NR2C1: variants seen among roughly 807,000 people sequenced by gnomAD.
NR2C1 encodes nuclear receptor subfamily 2 group C member 1, also known as TR2 nuclear hormone receptor.
Under a neutral mutation model 74.8 loss-of-function variants are expected in NR2C1, and 33 were observed. The observed-to-expected ratio is 0.44, with a 90% CI of 0.33 to 0.59. The LOEUF (loss-of-function observed/expected upper bound fraction) is 0.59, where lower values mean the gene tolerates loss of function less well. NR2C1 is among the 20% of genes least tolerant of loss of function. The pLI is 0.02. For synonymous variants in NR2C1, 225 were observed against 240.6 expected (o/e 0.94, Z 0.60); for missense variants, 568 against 715.6 (o/e 0.79, Z 2.35).
chr12:95,046,411 T>C (rs560348873), intron 9 of NR2C1, among the ~76,000 whole-genome samples: 1 of 152,040 alleles, frequency 6.6e-6, no homozygotes, highest in East Asian at 1.9e-4. Context: ...CAAAGTGAGA[T>C]CCCATCTCTA....
In NR2C1 at chr12:95,057,826, G is replaced by A. The variant is rs1874150856; in HGVS notation, c.597C>T (p.Asn199=). The A allele has an allele frequency of 1.9e-6, 3 of 1,613,998 alleles. No individual in the cohort carries two copies. The highest frequency in any genetic ancestry group is 2.5e-6 in the Non-Finnish European group (3 of 1,179,880). ...PIEVSREKSS[N]CAASTEKIYI... The stretch of plus-strand genomic sequence containing the variant: ...AGATTTTTTCTGTTGAAGCGGCACA[G>A]TTGGAAGATTTTTCTCGTGATACTT... Residue 199 remains asparagine, a synonymous_variant, in exon 6 of 14, where the codon AAC becomes AAT. Coordinates refer to ENST00000333003, the MANE Select transcript of NR2C1 (RefSeq NM_003297.4).
chr12:95,065,967 T>A (rs1038988316), intron 2 of NR2C1, among the ~76,000 whole-genome samples: 19 of 149,020 alleles, frequency 1.3e-4, no homozygotes, highest in African/African-American at 4.3e-4. Flanking sequence ...AAAAAAAAAA[T>A]TATTGACTAT....
chr12:95,026,281 A>G (rs557855604), intron 12 of NR2C1, among the ~76,000 whole-genome samples: 168 of 152,278 alleles, frequency 1.1e-3, no homozygotes, highest in African/African-American at 3.7e-3. Context: ...TTTCTAAGTC[A>G]AAAATTCTAT....
chr12:95,023,549 A>C (rs1234194871), intron 13 of NR2C1, among the ~76,000 whole-genome samples: 1 of 152,192 alleles, frequency 6.6e-6, no homozygotes, highest in Admixed American at 6.5e-5. Context: ...TGGAATCAAG[A>C]CCGCTGGGTT....
intron 2 of NR2C1, among the ~76,000 whole-genome samples, chr12:95,063,921 G>A (rs1264239835): frequency 6.8e-6 from 1 of 148,044 alleles, no homozygotes; most frequent in Non-Finnish European, 1.5e-5. Flanking sequence ...CCCAGCAACT[G>A]GGGAGGCTGA....
chr12:95,056,697 G>A (rs563067218), intron 7 of NR2C1, among the ~76,000 whole-genome samples: 4 of 152,306 alleles, frequency 2.6e-5, no homozygotes, highest in South Asian at 4.1e-4. Context: ...GCTGGCTCAC[G>A]CCTGTAATCC....
chr12:95,072,471 A>AAAG (rs1267998048), intron 1 of NR2C1, among the ~76,000 whole-genome samples: 2 of 150,602 alleles, frequency 1.3e-5, no homozygotes, highest in Non-Finnish European at 3.0e-5. Context: ...AAAAAAAAAA[A>AAAG]AAAGAAAAAA....
At chr12:95,060,858 AT>A (rs1874680600) in intron 3 of NR2C1, among the ~76,000 whole-genome samples, 1 of 152,188 alleles carries the variant, frequency 6.6e-6, no homozygotes, top group South Asian at 2.1e-4. Context: ...GCCCCTTACT[AT>A]GTAATATATA....
chr12:95,060,999 C>T (rs1874695587), intron 3 of NR2C1, among the ~76,000 whole-genome samples: 1 of 152,158 alleles, frequency 6.6e-6, no homozygotes, highest in Non-Finnish European at 1.5e-5. Context: ...GCAAATGGTG[C>T]TAATCTTTTA....
At position 95,053,039 on chromosome 12, in the gene NR2C1, A is replaced by G. The variant is rs55677278; in HGVS notation, c.784-1096T>C. Among the ~76,000 whole-genome samples the G allele has an allele frequency of 6.4e-3, 976 of 151,674 alleles. 12 individuals are homozygous for G. The highest frequency in any genetic ancestry group is 0.022 in the African/African-American group (921 of 41,356). On this transcript the variant is annotated intron_variant, in intron 7 of 13. Transcript: ENST00000333003. ...CACTCTGTCACCCAGGCTGGAGTGC[A>G]GTGGTGTGATCTCAGCTCACTGCAA...
chr12:95,059,833 T>G (rs1157500283), intron 4 of NR2C1, 73 bp downstream of exon 4: 1 of 1,033,046 alleles, frequency 9.7e-7, no homozygotes, highest in East Asian at 2.5e-5. Context: ...AGTGTGGTAG[T>G]TATTTCAACA....
rs746858617 is a variant in NR2C1 at position 95,057,558 on chromosome 12, C to T, written c.778G>A (p.Asp260Asn). ...KTESAVLMTSDKAESCQGDLS... is the reference protein window; with the variant it reads ...KTESAVLMTSNKAESCQGDLS... ...TTAAATTGTACTAAACACACCTTATCTGATGTCATCAGCACAGCTGACTCA... is the reference window on the plus strand; with the variant it reads ...TTAAATTGTACTAAACACACCTTATTTGATGTCATCAGCACAGCTGACTCA... Residue 260 changes from aspartate (D) to asparagine (N), a missense_variant, in exon 7 of 14, where the codon GAT becomes AAT. Physicochemically the swap from Asp to Asn is conservative, Grantham distance 23 (BLOSUM62 1). Around this residue, in one of 6 missense-constraint regions of NR2C1, gnomAD observed 239 missense variants for 232.3 expected, o/e 1.03. Coordinates refer to ENST00000333003, the MANE Select transcript of NR2C1 (RefSeq NM_003297.4). 5 of 1,607,638 alleles carry T rather than the reference C, an allele frequency of 3.1e-6. No individual in the cohort carries two copies. The highest frequency in any genetic ancestry group is 4.3e-6 in the Non-Finnish European group (5 of 1,175,886).
At chr12:95,042,540 C>G (rs1012993986) in intron 9 of NR2C1, among the ~76,000 whole-genome samples, 7 of 152,016 alleles carry the variant, frequency 4.6e-5, no homozygotes, top group Non-Finnish European at 1.0e-4. Context: ...ATCTAAAATA[C>G]CGCACCTGGC....
chr12:95,063,684 A>G (rs1443813676), intron 2 of NR2C1, among the ~76,000 whole-genome samples: 2 of 151,654 alleles, frequency 1.3e-5, no homozygotes, highest in African/African-American at 4.9e-5. Flanking sequence ...CAAAAAAAAA[A>G]AAGAAGTATA....
chr12:95,043,082 A>G (rs1408341701), intron 9 of NR2C1, among the ~76,000 whole-genome samples: 2 of 151,924 alleles, frequency 1.3e-5, no homozygotes, highest in African/African-American at 4.8e-5. Flanking sequence ...TGGGAAACAC[A>G]GTAAGACCTC....
At chr12:95,052,433 C>A (rs74345467) in intron 7 of NR2C1, among the ~76,000 whole-genome samples, 1 of 152,098 alleles carries the variant, frequency 6.6e-6, no homozygotes, top group East Asian at 1.9e-4. Flanking sequence ...GGATTACAGG[C>A]GTGGGCCATC....
rs1874946104 is a variant in NR2C1 at position 95,062,560 on chromosome 12, C to T, written c.233G>A (p.Gly78Asp). 2 of 1,613,506 alleles carry T rather than the reference C, an allele frequency of 1.2e-6. No homozygotes were observed. The highest frequency in any genetic ancestry group is 1.1e-5 in the South Asian group (1 of 91,006). Reference sequence around the variant, plus strand: ...AGTGGTAAAAAATAACTGGTTGACACCTGCTGCATCTGGAGTTGTAAGGAA... The same window carrying T: ...AGTGGTAAAAAATAACTGGTTGACATCTGCTGCATCTGGAGTTGTAAGGAA... The part of the protein sequence containing the change: ...KVFLTTPDAA[G>D]VNQLFFTTPD... Residue 78 changes from glycine to aspartate, a missense_variant, in exon 3 of 14, where the codon GGT becomes GAT. Physicochemically the swap from Gly to Asp is moderately conservative, Grantham distance 94. Coordinates refer to ENST00000333003, the MANE Select transcript of NR2C1 (RefSeq NM_003297.4).
At position 95,062,595 on chromosome 12, in the gene NR2C1, C is replaced by T. The variant is rs149368820; in HGVS notation, c.198G>A (p.Pro66=). 3.0e-3 allele frequency: 4,901 copies of T among 1,613,936 alleles called. 10 individuals are homozygous for T. The highest frequency in any genetic ancestry group is 3.7e-3 in the Non-Finnish European group (4,378 of 1,179,982). ...CTGGAGTTGTAAGGAAAACTTTTCC[C>T]GGAGTGGAATCTTGCCTGGCCAGAA... is the stretch of plus-strand genomic sequence containing the variant. The part of the protein sequence containing the change: ...KVILARQDST[P]GKVFLTTPDA... Residue 66 remains proline, a synonymous_variant, in exon 3 of 14, where the codon CCG becomes CCA. Coordinates refer to ENST00000333003, the MANE Select transcript of NR2C1 (RefSeq NM_003297.4).
At chr12:95,050,742 A>G (rs927476256) in intron 8 of NR2C1, among the ~76,000 whole-genome samples, 2 of 151,920 alleles carry the variant, frequency 1.3e-5, no homozygotes, top group Non-Finnish European at 1.5e-5. Context: ...AGCTTATTCA[A>G]TATTTTAAAT....
Sources: allele counts gnomAD v4.1 joint callset (sites outside exome capture counted in the v4.1 genomes callset), GRCh38; gene constraint gnomAD v4.1.1; regional missense constraint gnomAD v4.1.1; transcripts MANE v1.5; gene names NCBI Gene and HGNC (gene_info 2026-07-23, HGNC 2026-07-21).